Variants in KIAA1549 observed in about 807,000 individuals in gnomAD.
KIAA1549 encodes the protein UPF0606 protein KIAA1549.
A neutral mutation model predicts 156.4 loss-of-function variants in KIAA1549; 70 were observed. That is an observed-to-expected ratio of 0.45 (90% CI 0.37 to 0.55). KIAA1549 has a LOEUF of 0.55. Ranked by LOEUF, KIAA1549 falls within the 20% of genes least tolerant of loss-of-function variation. The pLI is 0.00. For synonymous variants in KIAA1549, 1,103 were observed against 1,066.4 expected, an observed-to-expected ratio of 1.03 and a Z score of -0.67; for missense variants, 2,428 against 2,540.9, an observed-to-expected ratio of 0.96 and a Z score of 0.96.
intron 13 of KIAA1549, among the ~76,000 whole-genome samples, chr7:138,870,117 C>T (rs1000986953): frequency 2.6e-5 from 4 of 152,134 alleles, no homozygotes; most frequent in Admixed American, 6.5e-5. Flanking sequence ...TCCCAAAGTG[C>T]TGGGATTACA....
intron 17 of KIAA1549, among the ~76,000 whole-genome samples, chr7:138,849,915 T>C (rs1015206671): frequency 1.3e-5 from 2 of 152,214 alleles, no homozygotes; most frequent in African/African-American, 4.8e-5. Flanking sequence ...TATGGCTGCA[T>C]AGTATTCCAT....
At chr7:138,913,752 A>T (rs951946852) in intron 2 of KIAA1549, among the ~76,000 whole-genome samples, 1 of 152,090 alleles carries the variant, frequency 6.6e-6, no homozygotes, top group Non-Finnish European at 1.5e-5. Flanking sequence ...CACCTTGCTG[A>T]GTCACACCAG....
intron 15 of KIAA1549, 130 bp from the exon 16 acceptor site, chr7:138,861,586 C>T (rs1810580591): frequency 1.3e-6 from 1 of 759,192 alleles, no homozygotes; most frequent in Non-Finnish European, 2.1e-6. Context: ...TGCACAGTGG[C>T]TCACACCTTT....
At chr7:138,952,095 ACT>A (rs1813518427) in intron 1 of KIAA1549, among the ~76,000 whole-genome samples, 1 of 152,066 alleles carries the variant, frequency 6.6e-6, no homozygotes, top group African/African-American at 2.4e-5. Flanking sequence ...GAAGGCACTA[ACT>A]CTAGCTGCAG....
Position 138,905,016 on chromosome 7 carries a change from A to T in KIAA1549, c.3520+6T>A. The stretch of plus-strand genomic sequence containing the variant: ...GTTCCCAAAATATTACATAAGTTAA[A>T]CATACCTGTTCTGACCCAAGAGGAC... On this transcript the variant is annotated splice_donor_region_variant and intron_variant, in intron 7 of 19. Coordinates refer to ENST00000422774, the MANE Select transcript of KIAA1549 (RefSeq NM_001164665.2). 6.5e-7 allele frequency: 1 copy of T among 1,546,016 alleles called. No individual in the cohort carries two copies. Among genetic ancestry groups the T allele is most frequent in the Non-Finnish European group, 8.8e-7 (1 of 1,136,168 alleles).
chr7:138,881,170 C>T (rs1249154503), intron 11 of KIAA1549, among the ~76,000 whole-genome samples: 13 of 152,190 alleles, frequency 8.5e-5, no homozygotes, highest in African/African-American at 3.1e-4. Flanking sequence ...GATCTTCAAC[C>T]GTGTGGGGAA....
Position 138,832,726 on chromosome 7 carries a change from T to C in KIAA1549, c.*5180A>G, listed in dbSNP as rs187682287. ...ATTTCAATGCTGCTGTGTTTTAAGA[T>C]AAATTATCAAGCCTACTGTCACACA... On this transcript the variant is annotated 3_prime_UTR_variant, in exon 20 of 20. Coordinates refer to ENST00000422774, the MANE Select transcript of KIAA1549 (RefSeq NM_001164665.2). 4.6e-6 allele frequency: 1 copy of C among 219,626 alleles called. No individual in the cohort carries two copies. The highest frequency in any genetic ancestry group is 6.7e-5 in the East Asian group (1 of 14,918). The allele number at this position is 219,626 out of a possible 1,614,324, so 13.6% of individuals were successfully genotyped here. A position where few individuals can be genotyped will look rare whatever the true frequency, so the allele number is the denominator to read the frequency against.
intron 10 of KIAA1549, among the ~76,000 whole-genome samples, chr7:138,886,418 A>T (rs1328130355): frequency 1.3e-5 from 2 of 152,100 alleles, no homozygotes; most frequent in Admixed American, 1.3e-4. Context: ...GGGACCACAG[A>T]CATGTGCCAT....
rs780276189 is a variant in KIAA1549 at position 138,911,176 on chromosome 7, C to T, written c.3115G>A (p.Val1039Met). The stretch of plus-strand genomic sequence containing the variant: ...TGAACTTGGAACCTGGACTCTGGCA[C>T]AAGGAAAGAAGGTTTCACAGACAGG... ...LILSVKPSFL[V>M]PESRFQVQTV... Residue 1039 changes from valine (V) to methionine (M), a missense_variant, in exon 4 of 20, where the codon GTG (valine) becomes ATG (methionine). Val to Met is a conservative substitution (Grantham distance 21). This residue lies in a region of KIAA1549 where 762 missense variants were observed against 901.6 expected (regional missense o/e 0.85). Transcript: ENST00000422774. 1.2e-5 allele frequency: 19 copies of T among 1,598,426 alleles called. 1 individual carries two copies. In the Admixed American group the frequency reaches 2.9e-4, roughly 25 times the overall value.
intron 1 of KIAA1549, among the ~76,000 whole-genome samples, chr7:138,942,384 C>G (rs966641667): frequency 2.6e-5 from 4 of 151,244 alleles, no homozygotes; most frequent in African/African-American, 9.7e-5. Context: ...TGTAAAAGAG[C>G]AATACGGTGA....
chr7:138,898,198 T>G (rs1347938130), intron 9 of KIAA1549, among the ~76,000 whole-genome samples: 1 of 150,982 alleles, frequency 6.6e-6, no homozygotes, highest in Non-Finnish European at 1.5e-5. Flanking sequence ...TCCCAGCTAC[T>G]TGGGAGGCTG....
chr7:138,953,769 C>A (rs1480198960), intron 1 of KIAA1549, among the ~76,000 whole-genome samples: 2 of 152,210 alleles, frequency 1.3e-5, no homozygotes, highest in East Asian at 3.8e-4. Context: ...ATCTTCCATA[C>A]AATACAAATA....
intron 8 of KIAA1549, 76 bp downstream of exon 8, chr7:138,903,512 G>T: frequency 7.0e-7 from 1 of 1,432,980 alleles, no homozygotes; most frequent in Non-Finnish European, 9.5e-7. Flanking sequence ...CAGGGTTTTA[G>T]ATGGAGTGTG....
At chr7:138,909,549 T>C (rs1237505746) in intron 4 of KIAA1549, among the ~76,000 whole-genome samples, 2 of 151,088 alleles carry the variant, frequency 1.3e-5, no homozygotes, top group African/African-American at 4.9e-5. Context: ...TGTTGATAAA[T>C]TTTTTTTAAG....
rs1809553418 is a variant in KIAA1549 at position 138,832,190 on chromosome 7, CCTTTTT to C, written c.*5710_*5715del. On this transcript the variant is annotated 3_prime_UTR_variant, in exon 20 of 20. Transcript: ENST00000422774. ...TTCACCTCTGTCCCTTTTACCTATT[CCTTTTT>C]TTTTTTTTTTTTTTTCCAGAGACAG... 1.8e-5 allele frequency: 3 copies of C among 169,996 alleles called. No individual in the cohort carries two copies. The highest frequency in any genetic ancestry group is 2.4e-4 in the South Asian group (1 of 4,168). The allele number at this position is 169,996 out of a possible 1,614,324, so 10.5% of individuals were successfully genotyped here. A position where few individuals can be genotyped will look rare whatever the true frequency, so the allele number is the denominator to read the frequency against.
chr7:138,892,857 A>G (rs1328492660), intron 10 of KIAA1549, among the ~76,000 whole-genome samples: 1 of 152,208 alleles, frequency 6.6e-6, no homozygotes, highest in African/African-American at 2.4e-5. Context: ...GCAATCTTTT[A>G]TTCTTTGTTT....
In KIAA1549 at chr7:138,871,341, C is replaced by A. The variant is rs375185179; in HGVS notation, c.4367G>T (p.Gly1456Val). The A allele has an allele frequency of 9.6e-6, 15 of 1,563,486 alleles. No homozygotes were observed. In the African/African-American group the frequency reaches 1.6e-4, roughly 17 times the overall value. Residue 1456 changes from glycine to valine, a missense_variant, in exon 13 of 20, where the codon GGA becomes GTA. By Grantham distance (109) the Gly-to-Val change is moderately radical (BLOSUM62 -3). Transcript: ENST00000422774. ...GGAGGCTGATGAGTGCTGCTCATTT[C>A]CCGAACTGGGCAGTGGTGGCCCTGG... ...PQSGPPLPSS[G>V]NEQHSSASIF...
At chr7:138,931,638 T>C (rs1349472645) in intron 1 of KIAA1549, among the ~76,000 whole-genome samples, 1 of 151,190 alleles carries the variant, frequency 6.6e-6, no homozygotes, top group Non-Finnish European at 1.5e-5. Context: ...TGTAATCCCA[T>C]CTACTCGGGA....
chr7:138,865,640 G>A (rs1046552789), intron 15 of KIAA1549, among the ~76,000 whole-genome samples: 1 of 152,144 alleles, frequency 6.6e-6, no homozygotes, highest in Non-Finnish European at 1.5e-5. Context: ...CCTCTGGGGT[G>A]GTGTCTTCCA....
Sources: gnomAD v4.1 joint callset for allele counts (sites outside exome capture counted in the v4.1 genomes callset) on GRCh38, gnomAD v4.1.1 for gene constraint, gnomAD v4.1.1 regional missense constraint, MANE v1.5 for transcripts, NCBI Gene and HGNC (gene_info 2026-07-23, HGNC 2026-07-21) for gene names.